GRXCR2: variants seen among roughly 807,000 people sequenced by gnomAD.
GRXCR2 encodes glutaredoxin and cysteine rich domain containing 2.
A neutral mutation model predicts 24.8 loss-of-function variants in GRXCR2; 23 were observed. The ratio of observed to expected loss-of-function variants is 0.93; its 90% CI spans 0.67 to 1.32. The LOEUF is 1.32. Ranked by LOEUF, GRXCR2 falls within the 40% of genes most tolerant of loss-of-function variation. The probability of loss-of-function intolerance (pLI) is 0.00; values close to 1 mark genes in which losing one functional copy is unlikely to be tolerated. For synonymous variants in GRXCR2, 130 were observed against 116.1 expected, an observed-to-expected ratio of 1.12 and a Z score of -0.77; for missense variants, 315 against 303.4, an observed-to-expected ratio of 1.04 and a Z score of -0.28.
At chr5:145,916,007 C>A (rs1024157573) in intron 2 of GRXCR2, among the ~76,000 whole-genome samples, 1 of 151,992 alleles carries the variant, frequency 6.6e-6, no homozygotes, top group Admixed American at 6.6e-5. Flanking sequence ...AGTCACCATG[C>A]GGGGAGGGAA....
intron 2 of GRXCR2, among the ~76,000 whole-genome samples, chr5:145,879,325 C>T (rs573838140): frequency 3.4e-5 from 5 of 145,710 alleles, no homozygotes; most frequent in African/African-American, 1.3e-4. Flanking sequence ...CACACATAGG[C>T]TCAAAATAAA....
intron 2 of GRXCR2, among the ~76,000 whole-genome samples, chr5:145,889,243 A>AGAATGAAT (rs1554105362): frequency 4.1e-5 from 6 of 147,692 alleles, no homozygotes; most frequent in African/African-American, 1.3e-4. Flanking sequence ...AAAGAAAGAA[A>AGAATGAAT]GAATTATGCA....
chr5:145,904,001 A>G (rs1757059105), intron 2 of GRXCR2, among the ~76,000 whole-genome samples: 1 of 152,176 alleles, frequency 6.6e-6, no homozygotes, highest in South Asian at 2.1e-4. Flanking sequence ...AAATTTCACA[A>G]CACTTTAGAG....
In GRXCR2 at chr5:145,859,241, G is replaced by A. The variant is rs930344482; in HGVS notation, c.*492C>T. 29 of 159,354 alleles carry A rather than the reference G, an allele frequency of 1.8e-4. No individual in the cohort carries two copies. The highest frequency in any genetic ancestry group is 1.7e-4 in the South Asian group (1 of 5,772). The allele number at this position is 159,354 out of a possible 1,614,324, so 9.9% of individuals were successfully genotyped here. On this transcript the variant is annotated 3_prime_UTR_variant, in exon 3 of 3. Coordinates refer to ENST00000377976, the MANE Select transcript of GRXCR2 (RefSeq NM_001080516.2). ...TTTGCTTGCTGTGGCCTGCTAGTGC[G>A]TTCAGCGTTGGCTGTCCGTTTCCTC...
At chr5:145,863,215 C>T (rs1306936952) in intron 2 of GRXCR2, among the ~76,000 whole-genome samples, 1 of 152,210 alleles carries the variant, frequency 6.6e-6, no homozygotes. Context: ...TCTAACAGAA[C>T]AAAGAGGCTC....
intron 2 of GRXCR2, among the ~76,000 whole-genome samples, chr5:145,923,940 C>T (rs549401872): frequency 4.8e-4 from 73 of 152,140 alleles, no homozygotes; most frequent in African/African-American, 1.6e-3. Context: ...ACTTTGTGAG[C>T]GTTTCTCTTG....
At chr5:145,899,104 T>A (rs1350316648) in intron 2 of GRXCR2, among the ~76,000 whole-genome samples, 1 of 152,110 alleles carries the variant, frequency 6.6e-6, no homozygotes, top group Non-Finnish European at 1.5e-5. Flanking sequence ...TGCATTTCTA[T>A]GCACCAGTAA....
chr5:145,896,764 C>T (rs1414671118), intron 2 of GRXCR2, among the ~76,000 whole-genome samples: 1 of 152,074 alleles, frequency 6.6e-6, no homozygotes, highest in East Asian at 1.9e-4. Context: ...TACCATTTGA[C>T]CCAGCAATCC....
At chr5:145,879,456 G>A (rs1472074010) in intron 2 of GRXCR2, among the ~76,000 whole-genome samples, 2 of 150,610 alleles carry the variant, frequency 1.3e-5, no homozygotes, top group Non-Finnish European at 2.9e-5. Flanking sequence ...AGACAAAGAA[G>A]GCCATTACAT....
At chr5:145,896,544 A>G (rs568210515) in intron 2 of GRXCR2, among the ~76,000 whole-genome samples, 34 of 152,360 alleles carry the variant, frequency 2.2e-4, no homozygotes, top group Non-Finnish European at 3.4e-4. Flanking sequence ...GCTCATCATC[A>G]CTGGTCATCA....
At chr5:145,884,542 T>C (rs1209868117) in intron 2 of GRXCR2, among the ~76,000 whole-genome samples, 1 of 152,172 alleles carries the variant, frequency 6.6e-6, no homozygotes, top group Non-Finnish European at 1.5e-5. Context: ...AATATCTATG[T>C]CTGTAATTTA....
chr5:145,924,735 T>C (rs575933670), intron 2 of GRXCR2, among the ~76,000 whole-genome samples: 1 of 152,276 alleles, frequency 6.6e-6, no homozygotes, highest in South Asian at 2.1e-4. Flanking sequence ...ATGGGGGTAA[T>C]TAAAGGGCTA....
At chr5:145,913,772 T>C (rs642411) in intron 2 of GRXCR2, among the ~76,000 whole-genome samples, 109,791 of 152,070 alleles carry the variant, frequency 0.72, 40,860 homozygotes, top group African/African-American at 0.9. Flanking sequence ...ATCCGTCTGC[T>C]TCAGCTTCCC....
intron 2 of GRXCR2, among the ~76,000 whole-genome samples, chr5:145,884,534 T>C (rs1182315134): frequency 6.6e-6 from 1 of 152,104 alleles, no homozygotes; most frequent in Admixed American, 6.5e-5. Context: ...TAAGGTGAAA[T>C]ATCTATGTCT....
intron 2 of GRXCR2, among the ~76,000 whole-genome samples, chr5:145,878,898 T>C (rs1756658448): frequency 6.6e-6 from 1 of 152,156 alleles, no homozygotes; most frequent in African/African-American, 2.4e-5. Flanking sequence ...ATATTCAACA[T>C]TCTTAAAGAA....
chr5:145,903,703 G>T (rs539363833), intron 2 of GRXCR2, among the ~76,000 whole-genome samples: 3 of 152,166 alleles, frequency 2.0e-5, no homozygotes, highest in Non-Finnish European at 4.4e-5. Context: ...TAACTGTGGA[G>T]GTTATGGGAA....
At chr5:145,870,788 T>C (rs928932323) in intron 1 of GRXCR2, among the ~76,000 whole-genome samples, 5 of 152,124 alleles carry the variant, frequency 3.3e-5, no homozygotes, top group Non-Finnish European at 4.4e-5. Context: ...CTGGCTATGA[T>C]TGGGATGGGG....
chr5:145,875,773 A>G (rs112294504), upstream of GRXCR2, among the ~76,000 whole-genome samples: 23 of 152,300 alleles, frequency 1.5e-4, no homozygotes, highest in Non-Finnish European at 3.2e-4. Flanking sequence ...CACACCATCA[A>G]TGAATCACAG....
In GRXCR2 at chr5:145,925,171, G is replaced by A. The variant is rs115299212; in HGVS notation, c.-70+10530C>T. On this transcript the variant is annotated intron_variant, in intron 2 of 3. Transcript: ENST00000639411. Reference sequence around the variant, plus strand: ...AGAAAACCAAGCACAGCATGTTTAAGTAATTTGCTGTAGGTCACACTCTTA... The same window carrying A: ...AGAAAACCAAGCACAGCATGTTTAAATAATTTGCTGTAGGTCACACTCTTA... Among the ~76,000 whole-genome samples, 603 of 152,258 alleles carry A rather than the reference G, an allele frequency of 4.0e-3. 3 individuals carry two copies. Among genetic ancestry groups the A allele is most frequent in the African/African-American group, 0.013 (559 of 41,556 alleles).
Sources: allele counts gnomAD v4.1 joint callset (sites outside exome capture counted in the v4.1 genomes callset), GRCh38; gene constraint gnomAD v4.1.1; transcripts MANE v1.5; gene names NCBI Gene and HGNC (gene_info 2026-07-23, HGNC 2026-07-21).